APPL2: variants seen among roughly 807,000 people sequenced by gnomAD.
APPL2 encodes the protein DCC-interacting protein 13-beta.
APPL2 carries 84 observed loss-of-function variants against 92.7 expected under a neutral mutation model. The observed-to-expected ratio is 0.91, with a 90% confidence interval of 0.76 to 1.09. The LOEUF (loss-of-function observed/expected upper bound fraction) is 1.09. Among genes scored for constraint, APPL2 ranks in the 50% least tolerant of loss-of-function variants. APPL2 has a pLI of 0.00. For missense variants in APPL2, 736 were observed against 824.5 expected (o/e 0.89, Z 1.31); for synonymous variants, 291 against 291.0 (o/e 1.00, Z 0.00).
chr12:105,187,685 TAGTG>T (rs1460319773), intron 17 of APPL2, among the ~76,000 whole-genome samples: 2 of 152,202 alleles, frequency 1.3e-5, no homozygotes, highest in Non-Finnish European at 2.9e-5. Context: ...CCTAAAAAAT[TAGTG>T]AGATGTTTTA....
chr12:105,188,856 ATCTCATGTTGGG>A (rs1303276432), intron 16 of APPL2, among the ~76,000 whole-genome samples: 1 of 152,158 alleles, frequency 6.6e-6, no homozygotes, highest in Non-Finnish European at 1.5e-5. Flanking sequence ...AGGATATAAG[ATCTCATGTTGGG>A]TCTCATGCAA....
intron 2 of APPL2, among the ~76,000 whole-genome samples, chr12:105,224,344 G>T (rs1380244486): frequency 6.6e-6 from 1 of 152,180 alleles, no homozygotes; most frequent in Non-Finnish European, 1.5e-5. Context: ...ATACAAAAAG[G>T]AACTGGGTCC....
intron 19 of APPL2, 62 bp from the exon 20 acceptor site, chr12:105,176,144 A>T: frequency 6.9e-7 from 1 of 1,453,688 alleles, no homozygotes; most frequent in Non-Finnish European, 9.5e-7. Context: ...TTTAGAACAA[A>T]TGTGATTTGG....
At chr12:105,175,967 A>G (rs1208020513) in intron 20 of APPL2, 68 bp downstream of exon 20, 2 of 1,402,738 alleles carry the variant, frequency 1.4e-6, no homozygotes, top group Middle Eastern at 3.7e-4. Context: ...CTTTTTGAAA[A>G]GACTCTTGGT....
chr12:105,179,523 G>A (rs1423722071), intron 17 of APPL2, among the ~76,000 whole-genome samples: 5 of 152,116 alleles, frequency 3.3e-5, no homozygotes, highest in Admixed American at 3.3e-4. Flanking sequence ...TGGGTCAAAT[G>A]GTTATTTCTG....
At chr12:105,183,554 T>C (rs1381906978) in intron 17 of APPL2, among the ~76,000 whole-genome samples, 2 of 152,204 alleles carry the variant, frequency 1.3e-5, no homozygotes, top group Non-Finnish European at 1.5e-5. Context: ...GGGTTGAAAA[T>C]TCTTTTCCTT....
rs1245925408 is a variant in APPL2, at chr12:105,195,588, T to G, written c.1092A>C (p.Glu364Asp). The change falls in exon 12 of 21, where the codon GAA becomes GAC. Residue 364 changes from glutamate to aspartate, a missense_variant. Transcript: ENST00000258530. ...ILQAESRKEN[E>D]EWICAINNIS... ...ATATGACAAACAAAATTTTTACCTC[T>G]TCATTTTCCTTTCTGCTCTCAGCCT... 6.2e-7 allele frequency: 1 copy of G among 1,614,246 alleles called. No homozygotes were observed.
intron 1 of APPL2, among the ~76,000 whole-genome samples, chr12:105,232,917 C>T (rs1891026605): frequency 6.6e-6 from 1 of 152,124 alleles, no homozygotes; most frequent in South Asian, 2.1e-4. Context: ...AAAGAAAGGC[C>T]TGATTTGGTT....
intron 8 of APPL2, among the ~76,000 whole-genome samples, chr12:105,204,832 G>C (rs1226045466): frequency 6.6e-6 from 1 of 152,150 alleles, no homozygotes; most frequent in African/African-American, 2.4e-5. Flanking sequence ...GTGGGCGAAT[G>C]GATGAACGGA....
At chr12:105,188,591 A>G (rs1886937113) in intron 16 of APPL2, 144 bp from the exon 17 acceptor site, 2 of 719,866 alleles carry the variant, frequency 2.8e-6, no homozygotes, top group Admixed American at 2.7e-5. Context: ...TATAAGCCCA[A>G]TATTGCCAAA....
chr12:105,229,053 C>T, intron 2 of APPL2, 72 bp downstream of exon 2: 4 of 1,304,922 alleles, frequency 3.1e-6, no homozygotes, highest in Non-Finnish European at 4.3e-6. Flanking sequence ...ATTTCTCAAC[C>T]TCTGAGGGAA....
chr12:105,195,637 A>T lies in APPL2; in HGVS notation c.1053-10T>A. On this transcript the variant is annotated splice_polypyrimidine_tract_variant and intron_variant, in intron 11 of 20. Coordinates refer to ENST00000258530, the MANE Select transcript of APPL2 (RefSeq NM_018171.5). ...CTGGAGGATTATTCCCCTGAAACAA[A>T]AGTGTCTAAGTAATTAAGTGCTTCC... 1 of 1,614,074 alleles carries T rather than the reference A, an allele frequency of 6.2e-7. No individual in the cohort carries two copies. Among genetic ancestry groups the T allele is most frequent in the Non-Finnish European group, 8.5e-7 (1 of 1,179,992 alleles).
chr12:105,204,855 C>T (rs1386593582), intron 8 of APPL2, among the ~76,000 whole-genome samples: 1 of 152,202 alleles, frequency 6.6e-6, no homozygotes, highest in Non-Finnish European at 1.5e-5. Context: ...GCAGGTAAGA[C>T]ACTGGCTCTA....
At chr12:105,214,367 CAT>C (rs1288100990) in intron 4 of APPL2, among the ~76,000 whole-genome samples, 2 of 152,192 alleles carry the variant, frequency 1.3e-5, no homozygotes, top group African/African-American at 2.4e-5. Context: ...CTCAAGCAAA[CAT>C]GTGACTCAGG....
chr12:105,191,303 G>A (rs1343631966), intron 14 of APPL2, among the ~76,000 whole-genome samples: 1 of 152,136 alleles, frequency 6.6e-6, no homozygotes, highest in East Asian at 1.9e-4. Context: ...TTACCTGGTG[G>A]GCGAGCCAGA....
chr12:105,209,853 T>A (rs1702646278), intron 5 of APPL2, among the ~76,000 whole-genome samples: 1 of 152,238 alleles, frequency 6.6e-6, no homozygotes, highest in South Asian at 2.1e-4. Context: ...TTATTAAGTT[T>A]TAGTGCTGCC....
intron 4 of APPL2, among the ~76,000 whole-genome samples, chr12:105,212,909 A>G (rs953040078): frequency 1.3e-5 from 2 of 152,242 alleles, no homozygotes; most frequent in Non-Finnish European, 2.9e-5. Flanking sequence ...CACTTTCCCT[A>G]TCGCTCAACC....
intron 17 of APPL2, among the ~76,000 whole-genome samples, chr12:105,181,859 CTTT>C (rs1886145577): frequency 6.6e-6 from 1 of 152,062 alleles, no homozygotes; most frequent in Admixed American, 6.6e-5. Context: ...CTCTTTTCTT[CTTT>C]ATTAGTCTGG....
At chr12:105,211,476 A>G (rs1889213208) in intron 4 of APPL2, among the ~76,000 whole-genome samples, 159 bp from the exon 5 acceptor site, 1 of 152,224 alleles carries the variant, frequency 6.6e-6, no homozygotes, top group East Asian at 1.9e-4. Flanking sequence ...AGTAAATGAT[A>G]TTGGCCTAGA....
Sources: gnomAD v4.1 joint callset for allele counts (sites outside exome capture counted in the v4.1 genomes callset) on GRCh38, gnomAD v4.1.1 for gene constraint, MANE v1.5 for transcripts, NCBI Gene and HGNC (gene_info 2026-07-23, HGNC 2026-07-21) for gene names.